The following PRKG1 variants were observed in gnomAD, a reference collection of about 807,000 sequenced individuals.
PRKG1 encodes cGMP-dependent protein kinase 1.
A neutral mutation model predicts 88.1 loss-of-function variants in PRKG1; 35 were observed. The ratio of observed to expected loss-of-function variants is 0.40; its 90% CI spans 0.30 to 0.53. The LOEUF is 0.53. Among genes scored for constraint, PRKG1 ranks in the 20% least tolerant of loss-of-function variants. The probability of loss-of-function intolerance (pLI) is 0.59; values close to 1 mark genes in which losing one functional copy is unlikely to be tolerated. For synonymous variants in PRKG1, 303 were observed against 292.5 expected (o/e 1.04, Z -0.37); for missense variants, 540 against 839.8 (o/e 0.64, Z 4.41).
intron 3 of PRKG1, among the ~76,000 whole-genome samples, chr10:51,686,764 T>G (rs895247822): frequency 2.2e-4 from 33 of 152,180 alleles, no homozygotes; most frequent in African/African-American, 5.6e-4. Context: ...TTGTTTGTTT[T>G]TTCTTTTTAG....
intron 2 of PRKG1, among the ~76,000 whole-genome samples, chr10:51,184,860 CA>C (rs1159322610): frequency 6.6e-6 from 1 of 152,110 alleles, no homozygotes; most frequent in Non-Finnish European, 1.5e-5. Context: ...TGACCTTCAC[CA>C]TTTTTCAGGC....
intron 2 of PRKG1, among the ~76,000 whole-genome samples, chr10:51,220,021 C>T (rs1246848141): frequency 6.6e-6 from 1 of 152,076 alleles, no homozygotes; most frequent in Non-Finnish European, 1.5e-5. Context: ...AGAACTTTAC[C>T]AGCTCCTGGC....
At chr10:51,040,797 T>C (rs532296654) in intron 1 of PRKG1, among the ~76,000 whole-genome samples, 1 of 152,306 alleles carries the variant, frequency 6.6e-6, no homozygotes, top group East Asian at 1.9e-4. Flanking sequence ...TTTTTGTATA[T>C]TGGTTTTGTA....
chr10:52,293,464 A>AG (rs1374434181), intron 17 of PRKG1, among the ~76,000 whole-genome samples: 1 of 152,196 alleles, frequency 6.6e-6, no homozygotes, highest in African/African-American at 2.4e-5. Flanking sequence ...GTCAATCCTG[A>AG]GCCAAAGAAC....
intron 2 of PRKG1, among the ~76,000 whole-genome samples, chr10:51,259,200 A>T (rs1280042781): frequency 6.6e-6 from 1 of 152,214 alleles, no homozygotes; most frequent in African/African-American, 2.4e-5. Flanking sequence ...ACGTATATGC[A>T]TATACTCACA....
chr10:51,134,604 T>A (rs1339234639), intron 1 of PRKG1, among the ~76,000 whole-genome samples: 1 of 152,140 alleles, frequency 6.6e-6, no homozygotes, highest in Non-Finnish European at 1.5e-5. Flanking sequence ...AATGTCAACC[T>A]TTTGTAGCTC....
intron 7 of PRKG1, among the ~76,000 whole-genome samples, chr10:52,131,285 A>G (rs1260779982): frequency 6.6e-6 from 1 of 152,200 alleles, no homozygotes; most frequent in Non-Finnish European, 1.5e-5. Flanking sequence ...AGACAGAGTT[A>G]TTAAACAAAT....
intron 5 of PRKG1, among the ~76,000 whole-genome samples, chr10:51,916,297 G>A (rs1324929877): frequency 6.6e-6 from 1 of 152,142 alleles, no homozygotes; most frequent in Non-Finnish European, 1.5e-5. Flanking sequence ...ATACAATATG[G>A]TGACAAGAGT....
chr10:51,503,738 T>A (rs1841107152), intron 3 of PRKG1, among the ~76,000 whole-genome samples: 1 of 152,180 alleles, frequency 6.6e-6, no homozygotes, highest in Non-Finnish European at 1.5e-5. Context: ...TAGGAATGTT[T>A]GTAGAGTACT....
At chr10:51,545,949 G>T (rs1842435477) in intron 3 of PRKG1, among the ~76,000 whole-genome samples, 1 of 150,530 alleles carries the variant, frequency 6.6e-6, no homozygotes, top group Non-Finnish European at 1.5e-5. Context: ...AGCTTTAGCT[G>T]CATGGCTCCC....
chr10:51,643,033 A>C (rs1839837113), intron 3 of PRKG1, among the ~76,000 whole-genome samples: 1 of 152,220 alleles, frequency 6.6e-6, no homozygotes, highest in Non-Finnish European at 1.5e-5. Context: ...CTGACAAGAA[A>C]GCCCCGGGAT....
At chr10:52,223,539 CTCTA>C (rs972647609) in intron 9 of PRKG1, among the ~76,000 whole-genome samples, 2 of 152,154 alleles carry the variant, frequency 1.3e-5, no homozygotes, top group Admixed American at 1.3e-4. Context: ...CTCCTCTCTT[CTCTA>C]TCTATCCTTT....
chr10:52,181,308 G>T (rs1253571677), intron 9 of PRKG1, among the ~76,000 whole-genome samples: 1 of 151,820 alleles, frequency 6.6e-6, no homozygotes, highest in African/African-American at 2.4e-5. Flanking sequence ...GAACACAGCT[G>T]CTCAGTCAGT....
rs759941962 is a variant in PRKG1 at position 51,074,553 on chromosome 10, G to T, written c.-38G>T. ...AGGGGAGGAAGCCTCAAGACGCGGA[G>T]CAGCGGCAGGAAGGAGCCCCCGGCA... On this transcript the variant is annotated 5_prime_UTR_variant, in exon 1 of 18. Coordinates refer to ENST00000373980, the MANE Select transcript of PRKG1 (RefSeq NM_006258.4). The T allele has an allele frequency of 3.2e-6, 5 of 1,586,412 alleles. No individual in the cohort carries two copies. Among genetic ancestry groups the T allele is most frequent in the Non-Finnish European group, 4.3e-6 (5 of 1,163,916 alleles).
At chr10:51,947,637 A>G (rs1843081043) in intron 5 of PRKG1, among the ~76,000 whole-genome samples, 1 of 152,142 alleles carries the variant, frequency 6.6e-6, no homozygotes, top group Non-Finnish European at 1.5e-5. Flanking sequence ...TTAAATTCAT[A>G]AAGTGTGAAG....
chr10:51,484,404 G>C (rs1426271174), intron 3 of PRKG1, among the ~76,000 whole-genome samples: 1 of 151,946 alleles, frequency 6.6e-6, no homozygotes, highest in Non-Finnish European at 1.5e-5. Flanking sequence ...TTTGATCTAT[G>C]TATTTATGCA....
intron 1 of PRKG1, among the ~76,000 whole-genome samples, chr10:51,030,427 T>C (rs893190445): frequency 1.3e-5 from 2 of 152,174 alleles, no homozygotes; most frequent in African/African-American, 4.8e-5. Context: ...CAGATTTTTT[T>C]CCAAAGGACT....
At chr10:51,247,972 G>C (rs528004828) in intron 2 of PRKG1, among the ~76,000 whole-genome samples, 1 of 151,912 alleles carries the variant, frequency 6.6e-6, no homozygotes, top group Non-Finnish European at 1.5e-5. Flanking sequence ...TGCTTACATT[G>C]CTATAACTTG....
intron 9 of PRKG1, among the ~76,000 whole-genome samples, chr10:52,205,213 C>A (rs1023516540): frequency 3.3e-5 from 5 of 152,146 alleles, no homozygotes; most frequent in African/African-American, 1.2e-4. Context: ...TCTAGTTTCT[C>A]CCTGACCTTC....
Sources: gnomAD v4.1 joint callset for allele counts (sites outside exome capture counted in the v4.1 genomes callset) on GRCh38, gnomAD v4.1.1 for gene constraint, MANE v1.5 for transcripts, NCBI Gene and HGNC (gene_info 2026-07-23, HGNC 2026-07-21) for gene names.